Variants in CCDC170 observed in about 807,000 individuals in gnomAD.
CCDC170 encodes coiled-coil domain containing 170.
In CCDC170, 69 loss-of-function variants were observed where a neutral mutation model predicts 72.6. The observed-to-expected ratio is 0.95, with a 90% CI of 0.78 to 1.16. CCDC170 has a LOEUF of 1.16. Ranked by LOEUF, CCDC170 falls within the 50% of genes most tolerant of loss-of-function variation. The probability of loss-of-function intolerance (pLI) is 0.00; values close to 1 mark genes in which losing one functional copy is unlikely to be tolerated. For synonymous variants in CCDC170, 300 were observed against 303.9 expected (o/e 0.99, Z 0.13); for missense variants, 852 against 832.5 (o/e 1.02, Z -0.29).
chr6:151,507,353 A>G (rs1279320166), intron 1 of CCDC170, among the ~76,000 whole-genome samples: 3 of 152,052 alleles, frequency 2.0e-5, no homozygotes, highest in South Asian at 2.1e-4. Flanking sequence ...AAAATTACAG[A>G]TGATCCCCAA....
At chr6:151,571,134 T>C (rs1479879852) in intron 5 of CCDC170, among the ~76,000 whole-genome samples, 5 of 152,180 alleles carry the variant, frequency 3.3e-5, no homozygotes, top group African/African-American at 1.2e-4. Context: ...CAGGCTATCC[T>C]TTTTCCTGTT....
intron 9 of CCDC170, among the ~76,000 whole-genome samples, chr6:151,609,970 G>C (rs904443200): frequency 3.9e-5 from 6 of 152,230 alleles, no homozygotes; most frequent in African/African-American, 1.2e-4. Context: ...ACCTTTGGTA[G>C]ATAGCCCACT....
At chr6:151,527,428 C>A (rs192369181) in intron 1 of CCDC170, among the ~76,000 whole-genome samples, 1 of 152,162 alleles carries the variant, frequency 6.6e-6, no homozygotes, top group African/African-American at 2.4e-5. Context: ...AAACCACGAG[C>A]AGATAGAAGA....
At chr6:151,511,582 A>G (rs1782151427) in intron 1 of CCDC170, among the ~76,000 whole-genome samples, 2 of 152,218 alleles carry the variant, frequency 1.3e-5, no homozygotes, top group African/African-American at 4.8e-5. Context: ...CTTCAAACAC[A>G]CAACCTTGTA....
chr6:151,584,863 G>A (rs1776430420), intron 6 of CCDC170, among the ~76,000 whole-genome samples: 1 of 152,116 alleles, frequency 6.6e-6, no homozygotes, highest in Non-Finnish European at 1.5e-5. Flanking sequence ...AACAGAAATT[G>A]TTTTCTTTTT....
chr6:151,548,142 A>G (rs1310502857), intron 4 of CCDC170, among the ~76,000 whole-genome samples, 162 bp from the exon 5 acceptor site: 5 of 152,238 alleles, frequency 3.3e-5, no homozygotes, highest in African/African-American at 4.8e-5. Context: ...GGTCTAAAAC[A>G]GAGTTTACAG....
intron 7 of CCDC170, among the ~76,000 whole-genome samples, chr6:151,592,230 C>A (rs745692960): frequency 6.6e-6 from 1 of 152,004 alleles, no homozygotes; most frequent in Non-Finnish European, 1.5e-5. Flanking sequence ...CATGGTGGCA[C>A]GTGCCTGTAA....
intron 5 of CCDC170, among the ~76,000 whole-genome samples, chr6:151,565,447 C>T (rs1776120294): frequency 6.6e-6 from 1 of 152,134 alleles, no homozygotes; most frequent in Admixed American, 6.5e-5. Context: ...CTCCCCTTTC[C>T]CTGCATTGGG....
At chr6:151,580,316 A>G (rs1776363200) in intron 6 of CCDC170, among the ~76,000 whole-genome samples, 1 of 152,134 alleles carries the variant, frequency 6.6e-6, no homozygotes. Flanking sequence ...TCCTGTTTGC[A>G]GTCCAACGTG....
At chr6:151,580,251 T>C (rs907890874) in intron 6 of CCDC170, among the ~76,000 whole-genome samples, 5 of 152,120 alleles carry the variant, frequency 3.3e-5, no homozygotes, top group Non-Finnish European at 5.9e-5. Flanking sequence ...TTCTCTCCGC[T>C]ATGTCATTTG....
At chr6:151,511,737 T>C (rs1782153526) in intron 1 of CCDC170, among the ~76,000 whole-genome samples, 1 of 152,192 alleles carries the variant, frequency 6.6e-6, no homozygotes. Flanking sequence ...AAACACAAGA[T>C]GTTTTTGAGA....
Position 151,581,731 on chromosome 6 carries a change from A to T in CCDC170, c.1093-4158A>T, listed in dbSNP as rs190255819. Among the ~76,000 whole-genome samples, 31 of 152,344 alleles carry T rather than the reference A, an allele frequency of 2.0e-4. No individual in the cohort carries two copies. The East Asian group carries it at 4.0e-3, about 20-fold the overall frequency. On this transcript the variant is annotated intron_variant, in intron 6 of 10. Transcript: ENST00000239374. ...TGAAGTATATTTCTTACATAATAAGACTTTAAAGTCAGAATTATTCCTTGA... is the reference window on the plus strand; with the variant it reads ...TGAAGTATATTTCTTACATAATAAGTCTTTAAAGTCAGAATTATTCCTTGA...
At position 151,520,461 on chromosome 6, in the gene CCDC170, G is replaced by A. The variant is rs560212383; in HGVS notation, c.58-15857G>A. 4.6e-5 allele frequency among the ~76,000 whole-genome samples: 7 copies of A among 152,332 alleles called. No individual in the cohort carries two copies. In the South Asian group the frequency reaches 1.4e-3, roughly 32 times the overall value. ...TTAAGCTGTCCTTGTTCCTTCCTAG[G>A]TGTAGGCTGAAATAACTTTGGGAGG... On this transcript the variant is annotated intron_variant, in intron 1 of 10. Transcript: ENST00000239374.
intron 4 of CCDC170, among the ~76,000 whole-genome samples, chr6:151,547,053 A>G (rs768416642): frequency 6.6e-6 from 1 of 151,820 alleles, no homozygotes; most frequent in Non-Finnish European, 1.5e-5. Flanking sequence ...CCAAGACTTC[A>G]GCCTCATTAG....
At chr6:151,498,296 G>T (rs761909261) in intron 1 of CCDC170, among the ~76,000 whole-genome samples, 13 of 152,314 alleles carry the variant, frequency 8.5e-5, no homozygotes, top group East Asian at 3.9e-4. Flanking sequence ...AGCAGCTATA[G>T]TTCCTCAAAA....
In CCDC170 at chr6:151,538,195, G is replaced by C. The variant is rs1295784088; in HGVS notation, c.337G>C (p.Ala113Pro). The C allele has an allele frequency of 6.2e-7, 1 of 1,613,886 alleles. No homozygotes were observed. Among genetic ancestry groups the C allele is most frequent in the East Asian group, 2.2e-5 (1 of 44,848 alleles). ...DRVQELEEES[A>P]ALSTSKIRTE... ...AGTTCAGGAACTAGAAGAAGAATCA[G>C]CAGCACTTTCCACTTCTAAAATCAG... Residue 113 changes from alanine to proline, a missense_variant, in exon 3 of 11, where the codon GCA becomes CCA. Ala to Pro is a conservative substitution (Grantham distance 27). Transcript: ENST00000239374.
At chr6:151,562,422 A>T (rs764358379) in intron 5 of CCDC170, among the ~76,000 whole-genome samples, 5 of 151,918 alleles carry the variant, frequency 3.3e-5, no homozygotes, top group Non-Finnish European at 7.4e-5. Flanking sequence ...TATGGCTGTG[A>T]TATATATTAT....
At chr6:151,527,600 A>T (rs1032672821) in intron 1 of CCDC170, among the ~76,000 whole-genome samples, 2 of 152,158 alleles carry the variant, frequency 1.3e-5, no homozygotes, top group African/African-American at 2.4e-5. Flanking sequence ...TGAGAAAAAC[A>T]TGGACAGTAG....
chr6:151,534,752 C>T (rs190470877), intron 1 of CCDC170, among the ~76,000 whole-genome samples: 19 of 152,296 alleles, frequency 1.2e-4, no homozygotes, highest in East Asian at 1.2e-3. Context: ...CTGGTCATGA[C>T]GCTTGTTGGA....
Sources: gnomAD v4.1 joint callset for allele counts (sites outside exome capture counted in the v4.1 genomes callset) on GRCh38, gnomAD v4.1.1 for gene constraint, MANE v1.5 for transcripts, NCBI Gene and HGNC (gene_info 2026-07-23, HGNC 2026-07-21) for gene names.